The following LTBP1 variants were observed in gnomAD, a reference collection of about 807,000 sequenced individuals.
LTBP1 encodes the protein latent transforming growth factor beta binding protein 1, also known as latent-transforming growth factor beta-binding protein 1.
Under a neutral mutation model 207.6 loss-of-function variants are expected in LTBP1, and 129 were observed. The observed-to-expected ratio is 0.62, with a 90% CI of 0.54 to 0.72. LTBP1 has a LOEUF of 0.72. Ranked by LOEUF, LTBP1 falls within the 30% of genes least tolerant of loss-of-function variation. The pLI is 0.00. For synonymous variants in LTBP1, 963 were observed against 833.7 expected, an observed-to-expected ratio of 1.16 and a Z score of -2.67; for missense variants, 2,281 against 2,217.2, an observed-to-expected ratio of 1.03 and a Z score of -0.58.
intron 19 of LTBP1, among the ~76,000 whole-genome samples, chr2:33,281,819 T>G (rs2148585956): frequency 6.6e-6 from 1 of 152,284 alleles, no homozygotes; most frequent in East Asian, 1.9e-4. Flanking sequence ...ATGGTTTCAG[T>G]TTTCCCATTT....
intron 26 of LTBP1, among the ~76,000 whole-genome samples, chr2:33,349,931 C>T (rs1016975731): frequency 2.0e-5 from 3 of 152,240 alleles, no homozygotes; most frequent in South Asian, 2.1e-4. Context: ...CAAGAATAGC[C>T]GTCTGGCTCT....
intron 5 of LTBP1, among the ~76,000 whole-genome samples, chr2:33,175,895 G>A (rs4442976): frequency 8.9e-6 from 1 of 111,938 alleles, no homozygotes; most frequent in Non-Finnish European, 1.9e-5. Context: ...CTCAGTAAAC[G>A]ATCGCAAGAA....
rs1027621597 is a variant in LTBP1 at position 33,399,397 on chromosome 2, T to G, written c.*852T>G. 6.6e-6 allele frequency: 1 copy of G among 152,200 alleles called. No individual in the cohort carries two copies. The highest frequency in any genetic ancestry group is 1.5e-5 in the Non-Finnish European group (1 of 68,038). 9.4% of individuals were successfully genotyped at this position (152,200 alleles called of 1,614,324 possible). ...GAGAGTAATTGTCAATGAGTACATG[T>G]GTATAAGTTGTATCCCACTCTCCCC... On this transcript the variant is annotated 3_prime_UTR_variant, in exon 34 of 34. Transcript: ENST00000404816.
chr2:33,002,859 G>A (rs1686242703), intron 2 of LTBP1, among the ~76,000 whole-genome samples: 2 of 152,040 alleles, frequency 1.3e-5, no homozygotes, highest in Non-Finnish European at 2.9e-5. Context: ...TGTATTTTTA[G>A]TACATGTGGG....
intron 2 of LTBP1, among the ~76,000 whole-genome samples, chr2:32,957,483 G>A (rs1678273108): frequency 6.6e-6 from 1 of 152,152 alleles, no homozygotes; most frequent in South Asian, 2.1e-4. Context: ...GGGAACGGCT[G>A]GTCGGTGGAG....
intron 18 of LTBP1, among the ~76,000 whole-genome samples, chr2:33,276,188 G>A (rs1304316914): frequency 6.6e-6 from 1 of 152,140 alleles, no homozygotes; most frequent in Non-Finnish European, 1.5e-5. Context: ...ATGATTAATT[G>A]CATCATATTT....
chr2:33,304,109 G>A (rs2094044394), intron 22 of LTBP1, among the ~76,000 whole-genome samples: 1 of 152,154 alleles, frequency 6.6e-6, no homozygotes, highest in Non-Finnish European at 1.5e-5. Context: ...TAGCAAACTC[G>A]TTCTTCATTA....
chr2:33,047,723 T>G (rs2076516919), intron 3 of LTBP1, among the ~76,000 whole-genome samples: 1 of 152,188 alleles, frequency 6.6e-6, no homozygotes. Context: ...GGTGTTAAAG[T>G]CTCCCACTAT....
intron 20 of LTBP1, among the ~76,000 whole-genome samples, chr2:33,297,399 C>CTTTA (rs58504404): frequency 0.045 from 6,366 of 140,292 alleles, 163 homozygotes; most frequent in East Asian, 0.09. Context: ...TAATATACTG[C>CTTTA]TTTATTTATT....
At chr2:33,055,812 C>A (rs546650527) in intron 3 of LTBP1, among the ~76,000 whole-genome samples, 36 of 152,260 alleles carry the variant, frequency 2.4e-4, no homozygotes, top group African/African-American at 7.9e-4. Flanking sequence ...ATTCCCCTCC[C>A]CCTACAGCTT....
chr2:33,342,827 C>A lies in LTBP1; in HGVS notation c.3731-11C>A. 1.9e-6 allele frequency: 3 copies of A among 1,612,324 alleles called. No individual in the cohort carries two copies. The highest frequency in any genetic ancestry group is 8.5e-7 in the Non-Finnish European group (1 of 1,178,800). On this transcript the variant is annotated splice_polypyrimidine_tract_variant and intron_variant, in intron 24 of 33. Transcript: ENST00000404816. Reference sequence around the variant, plus strand: ...TTGTTTTGTGTCTGATGTTCCATGTCTTTTTTGCAGATATTGATGAATGTG... The same window carrying A: ...TTGTTTTGTGTCTGATGTTCCATGTATTTTTTGCAGATATTGATGAATGTG...
chr2:32,995,352 G>A (rs1685092747), intron 2 of LTBP1, among the ~76,000 whole-genome samples: 1 of 152,146 alleles, frequency 6.6e-6, no homozygotes, highest in South Asian at 2.1e-4. Flanking sequence ...CTGGGGTGGA[G>A]CTTAGAGTCT....
At chr2:33,385,289 C>A (rs1006237496) in intron 31 of LTBP1, among the ~76,000 whole-genome samples, 1 of 152,186 alleles carries the variant, frequency 6.6e-6, no homozygotes, top group South Asian at 2.1e-4. Context: ...TTAAAAACAC[C>A]TGTGGACCGT....
chr2:33,120,942 A>C (rs1035171013), intron 4 of LTBP1, among the ~76,000 whole-genome samples: 1 of 152,202 alleles, frequency 6.6e-6, no homozygotes, highest in Admixed American at 6.5e-5. Context: ...ACTTACATGC[A>C]GTTTCTTAAT....
At chr2:33,078,586 T>A (rs1035114155) in intron 3 of LTBP1, among the ~76,000 whole-genome samples, 55 of 152,344 alleles carry the variant, frequency 3.6e-4, no homozygotes, top group African/African-American at 1.3e-3. Flanking sequence ...GACGATTATG[T>A]TTAATTCAAA....
At chr2:33,285,479 C>T (rs2093648571) in intron 19 of LTBP1, among the ~76,000 whole-genome samples, 1 of 128,790 alleles carries the variant, frequency 7.8e-6, no homozygotes. Flanking sequence ...GACGGAGTCT[C>T]CCTCTGTTGC....
At chr2:33,387,513 C>T (rs1024810050) in intron 31 of LTBP1, among the ~76,000 whole-genome samples, 12 of 152,226 alleles carry the variant, frequency 7.9e-5, no homozygotes, top group Non-Finnish European at 1.8e-4. Context: ...AATGCTTCCA[C>T]ATAAGGAGAA....
intron 22 of LTBP1, among the ~76,000 whole-genome samples, chr2:33,306,528 C>G (rs947519659): frequency 4.6e-5 from 7 of 151,890 alleles, no homozygotes; most frequent in South Asian, 2.1e-4. Context: ...CAAGATCACG[C>G]CACTGTACTC....
chr2:33,336,366 T>C (rs1489777437), intron 24 of LTBP1, among the ~76,000 whole-genome samples: 4 of 152,152 alleles, frequency 2.6e-5, no homozygotes, highest in African/African-American at 9.7e-5. Context: ...ATTCAGAGGA[T>C]TCTTCTGTGA....
Sources: gnomAD v4.1 joint callset for allele counts (sites outside exome capture counted in the v4.1 genomes callset) on GRCh38, gnomAD v4.1.1 for gene constraint, MANE v1.5 for transcripts, NCBI Gene and HGNC (gene_info 2026-07-23, HGNC 2026-07-21) for gene names.